LRRC20: variants seen among roughly 807,000 people sequenced by gnomAD.
LRRC20 encodes leucine rich repeat containing 20.
In LRRC20, 11 loss-of-function variants were observed where a neutral mutation model predicts 14.4. The observed-to-expected ratio is 0.77, with a 90% CI of 0.48 to 1.27. The LOEUF (loss-of-function observed/expected upper bound fraction) is 1.27. Ranked by LOEUF, LRRC20 falls within the 50% of genes most tolerant of loss-of-function variation. The pLI, the probability that LRRC20 is intolerant of heterozygous loss-of-function variation, is 0.00. For synonymous variants in LRRC20, 121 were observed against 107.3 expected (o/e 1.13, Z -0.79); for missense variants, 219 against 251.2 (o/e 0.87, Z 0.87).
rs202164904 is a variant in LRRC20, at chr10:70,324,034, C to A, written c.233-4G>T. 2.5e-4 allele frequency: 406 copies of A among 1,613,684 alleles called. No individual in the cohort carries two copies. Among genetic ancestry groups the A allele is most frequent in the Non-Finnish European group, 3.1e-4 (368 of 1,179,920 alleles). ...AAGTTCCCCTCCAGGTGGAGCTCTG[C>A]CACGTGCAGGGAAGGAGAGAGAACA... On this transcript the variant is annotated splice_region_variant and splice_polypyrimidine_tract_variant and intron_variant, in intron 3 of 4. Transcript: ENST00000446961.
intron 2 of LRRC20, 99 bp downstream of exon 2, chr10:70,376,353 G>T (rs1439616950): frequency 8.5e-7 from 1 of 1,176,388 alleles, no homozygotes; most frequent in Non-Finnish European, 1.3e-6. Flanking sequence ...TCAGGATGAG[G>T]TTGCACACTG....
intron 2 of LRRC20, among the ~76,000 whole-genome samples, chr10:70,347,742 C>G (rs1843128857): frequency 6.6e-6 from 1 of 150,526 alleles, no homozygotes; most frequent in African/African-American, 2.4e-5. Context: ...TTGCTTGAGC[C>G]TGGGAGGAGG....
At chr10:70,361,518 C>A (rs569871429) in intron 2 of LRRC20, among the ~76,000 whole-genome samples, 180 of 152,260 alleles carry the variant, frequency 1.2e-3, no homozygotes, top group Non-Finnish European at 2.3e-3. Flanking sequence ...GAGGAAGTGA[C>A]ATTTAGCTGA....
chr10:70,335,435 C>T (rs1212538750), intron 3 of LRRC20, among the ~76,000 whole-genome samples: 1 of 152,222 alleles, frequency 6.6e-6, no homozygotes, highest in African/African-American at 2.4e-5. Flanking sequence ...CAAAGCCGCT[C>T]CCCTGCCCTG....
chr10:70,303,576 C>T (rs906006632), intron 4 of LRRC20, among the ~76,000 whole-genome samples: 2 of 152,204 alleles, frequency 1.3e-5, no homozygotes, highest in Non-Finnish European at 2.9e-5. Flanking sequence ...TGTCATCCAC[C>T]TAACTTACAT....
chr10:70,371,843 G>A (rs1476258744), intron 2 of LRRC20, among the ~76,000 whole-genome samples: 1 of 151,666 alleles, frequency 6.6e-6, no homozygotes, highest in African/African-American at 2.4e-5. Context: ...GAAGCCTGGA[G>A]TGGAGTGAGA....
At chr10:70,319,710 C>A (rs1842004717) in intron 4 of LRRC20, among the ~76,000 whole-genome samples, 1 of 152,194 alleles carries the variant, frequency 6.6e-6, no homozygotes, top group Non-Finnish European at 1.5e-5. Context: ...CCCAGGTGGG[C>A]TTATTTATAA....
chr10:70,305,638 C>G (rs72809215), intron 4 of LRRC20, among the ~76,000 whole-genome samples: 2 of 152,070 alleles, frequency 1.3e-5, no homozygotes, highest in Non-Finnish European at 2.9e-5. Context: ...AAGTCTCTTC[C>G]CCCCTCCTTT....
intron 3 of LRRC20, among the ~76,000 whole-genome samples, chr10:70,339,078 C>G (rs1235012062): frequency 6.6e-6 from 1 of 152,356 alleles, no homozygotes; most frequent in East Asian, 1.9e-4. Flanking sequence ...CCTGTCTACA[C>G]AGCAGCTTCC....
At chr10:70,368,169 T>TG (rs1293940940) in intron 2 of LRRC20, among the ~76,000 whole-genome samples, 4 of 144,336 alleles carry the variant, frequency 2.8e-5, no homozygotes, top group Non-Finnish European at 6.1e-5. Context: ...TTTTTTTTTT[T>TG]TTTTTTGAAA....
chr10:70,332,339 G>A (rs927694804), intron 3 of LRRC20, among the ~76,000 whole-genome samples: 2 of 152,234 alleles, frequency 1.3e-5, no homozygotes, highest in African/African-American at 4.8e-5. Flanking sequence ...TAAACATTCT[G>A]CCTCCATAAA....
At chr10:70,304,327 A>G (rs926926366) in intron 4 of LRRC20, among the ~76,000 whole-genome samples, 2 of 151,990 alleles carry the variant, frequency 1.3e-5, no homozygotes, top group Admixed American at 1.3e-4. Context: ...GTCCTCTCCT[A>G]GGCACAAAAT....
intron 1 of LRRC20, among the ~76,000 whole-genome samples, chr10:70,380,196 G>C (rs1483002806): frequency 6.6e-6 from 1 of 152,234 alleles, no homozygotes; most frequent in Non-Finnish European, 1.5e-5. Context: ...GTGTACACAG[G>C]TACAGGAACA....
chr10:70,343,990 G>A (rs1157515343), intron 2 of LRRC20, among the ~76,000 whole-genome samples: 4 of 152,186 alleles, frequency 2.6e-5, no homozygotes, highest in African/African-American at 7.2e-5. Context: ...CTTGAGCCCA[G>A]GAGTTTGAGA....
chr10:70,334,393 A>C (rs1183582464), intron 3 of LRRC20, among the ~76,000 whole-genome samples: 1 of 152,152 alleles, frequency 6.6e-6, no homozygotes, highest in Non-Finnish European at 1.5e-5. Context: ...CTGTGACCCC[A>C]ACACCCCAAC....
chr10:70,352,332 T>C (rs1250955756), intron 2 of LRRC20, among the ~76,000 whole-genome samples: 3 of 152,214 alleles, frequency 2.0e-5, no homozygotes, highest in East Asian at 3.8e-4. Context: ...GATTTAAATC[T>C]TTCATTGTAG....
intron 4 of LRRC20, among the ~76,000 whole-genome samples, chr10:70,302,291 C>T (rs922211108): frequency 8.6e-5 from 13 of 151,390 alleles, no homozygotes; most frequent in Admixed American, 2.6e-4. Flanking sequence ...CCAGCCTGGG[C>T]GACAAAGCAA....
At chr10:70,306,032 C>A (rs1230750108) in intron 4 of LRRC20, among the ~76,000 whole-genome samples, 3 of 152,032 alleles carry the variant, frequency 2.0e-5, no homozygotes, top group Admixed American at 1.3e-4. Flanking sequence ...TGAGCCACTG[C>A]GCCCGACCTA....
At position 70,376,593 on chromosome 10, in the gene LRRC20, G is replaced by A. The variant is rs1844519160; in HGVS notation, c.-60C>T. On this transcript the variant is annotated 5_prime_UTR_variant, in exon 2 of 5. Transcript: ENST00000446961. ...TGGTCTGCTTCTCACAAAAGGGCCT[G>A]AGCCTGGGGAAGACGCAGTGCCATG... The A allele has an allele frequency of 6.5e-7, 1 of 1,538,468 alleles. No individual in the cohort carries two copies.
Sources: allele counts gnomAD v4.1 joint callset (sites outside exome capture counted in the v4.1 genomes callset), GRCh38; gene constraint gnomAD v4.1.1; transcripts MANE v1.5; gene names NCBI Gene and HGNC (gene_info 2026-07-23, HGNC 2026-07-21).